TMCO6: variants seen among roughly 807,000 people sequenced by gnomAD.
TMCO6 encodes transmembrane and coiled-coil domain-containing protein 6.
A neutral mutation model predicts 61.8 loss-of-function variants in TMCO6; 47 were observed. The ratio of observed to expected loss-of-function variants is 0.76; its 90% CI spans 0.60 to 0.97. The LOEUF (loss-of-function observed/expected upper bound fraction) is 0.97. TMCO6 is among the 50% of genes least tolerant of loss of function. The probability of loss-of-function intolerance (pLI) is 0.00; values close to 1 mark genes in which losing one functional copy is unlikely to be tolerated. For missense variants in TMCO6, 557 were observed against 601.6 expected, an observed-to-expected ratio of 0.93 and a Z score of 0.78; for synonymous variants, 261 against 254.2, an observed-to-expected ratio of 1.03 and a Z score of -0.25.
Position 140,644,744 on chromosome 5 carries a change from TAG to T in TMCO6, c.1368+5_1368+6del, listed in dbSNP as rs1757290668. 6.2e-7 allele frequency: 1 copy of T among 1,614,110 alleles called. No individual in the cohort carries two copies. Among genetic ancestry groups the T allele is most frequent in the Admixed American group, 1.7e-5 (1 of 60,028 alleles). The stretch of plus-strand genomic sequence containing the variant: ...GCTGTTCCTGTATCAGCCAGAGGTA[TAG>T]GTTTCTGGCCCACATCCTCAGTCAC... On this transcript the variant is annotated splice_donor_5th_base_variant and intron_variant, in intron 11 of 11. Coordinates refer to ENST00000394671, the MANE Select transcript of TMCO6 (RefSeq NM_018502.5).
chr5:140,615,449 T>A, the TMCO6 span, among the ~76,000 whole-genome samples: 17 of 152,072 alleles, frequency 1.1e-4, 1 homozygote, highest in Admixed American at 1.1e-3. Flanking sequence ...CATTTCAAAA[T>A]TCATATGGAA....
the TMCO6 span, among the ~76,000 whole-genome samples, chr5:140,618,293 G>A: frequency 6.6e-6 from 1 of 152,102 alleles, no homozygotes; most frequent in Non-Finnish European, 1.5e-5. Context: ...GCCAGGCGTG[G>A]TGGTGCATGC....
At chr5:140,637,856 G>A (rs867611249), upstream of TMCO6, among the ~76,000 whole-genome samples, 5 of 151,042 alleles carry the variant, frequency 3.3e-5, no homozygotes, top group Admixed American at 1.3e-4. Context: ...GCCCCCCACC[G>A]CCCCACTTCG....
At chr5:140,631,530 C>T in the TMCO6 span, among the ~76,000 whole-genome samples, 6 of 152,186 alleles carry the variant, frequency 3.9e-5, no homozygotes, top group African/African-American at 7.2e-5. Flanking sequence ...ACTGCACACT[C>T]ATTGTTTCTC....
chr5:140,643,602 TG>T lies in TMCO6; in HGVS notation c.846del (p.Ser283LeufsTer33). ...SNPLLIGHGA[L>X]STLGLLLLDL... Reference sequence around the variant, plus strand: ...CCTCTGCTCATTGGCCATGGGGCTCTGTCTACTCTGGGGTTGCTGCTGTTGG... The same window carrying T: ...CCTCTGCTCATTGGCCATGGGGCTCTTCTACTCTGGGGTTGCTGCTGTTGG... On this transcript the variant is annotated frameshift_variant, in exon 8 of 12. Transcript: ENST00000394671. LOFTEE classifies it high-confidence loss of function. The T allele has an allele frequency of 6.2e-7, 1 of 1,614,218 alleles. No homozygotes were observed. The highest frequency in any genetic ancestry group is 1.3e-5 in the African/African-American group (1 of 75,076).
the TMCO6 span, among the ~76,000 whole-genome samples, chr5:140,601,915 A>G: frequency 6.6e-6 from 1 of 152,234 alleles, no homozygotes; most frequent in African/African-American, 2.4e-5. Context: ...ATTCATGAAT[A>G]TTTTTAAGCG....
chr5:140,611,786 TA>T, the TMCO6 span, among the ~76,000 whole-genome samples: 1 of 152,206 alleles, frequency 6.6e-6, no homozygotes, highest in African/African-American at 2.4e-5. Flanking sequence ...TTCTTAAACT[TA>T]ACCACAAGAT....
At chr5:140,611,675 G>A in the TMCO6 span, among the ~76,000 whole-genome samples, 1 of 152,134 alleles carries the variant, frequency 6.6e-6, no homozygotes, top group Non-Finnish European at 1.5e-5. Flanking sequence ...TATGTTGCTT[G>A]ATTTGGTTTG....
rs1376899530 is a variant in TMCO6 at position 140,645,219 on chromosome 5, C to T, written c.*121C>T. 12 of 1,037,356 alleles carry T rather than the reference C, an allele frequency of 1.2e-5. No individual in the cohort carries two copies. Among genetic ancestry groups the T allele is most frequent in the Middle Eastern group, 2.0e-4 (1 of 4,894 alleles). The allele number at this position is 1,037,356 out of a possible 1,614,324, so 64.3% of individuals were successfully genotyped here. On this transcript the variant is annotated 3_prime_UTR_variant, in exon 12 of 12. Transcript: ENST00000394671. ...ATGTTCTCTGCTCCCACACCTAAGCCAAGACCTTTGGGTCCCAGCTCCTCC... is the reference window on the plus strand; with the variant it reads ...ATGTTCTCTGCTCCCACACCTAAGCTAAGACCTTTGGGTCCCAGCTCCTCC...
the TMCO6 span, among the ~76,000 whole-genome samples, chr5:140,603,464 C>A: frequency 6.6e-6 from 1 of 152,030 alleles, no homozygotes; most frequent in Non-Finnish European, 1.5e-5. Flanking sequence ...CTCGTCACCA[C>A]ACTCAGCTAA....
downstream of TMCO6, chr5:140,647,030 G>A (rs541407002): frequency 3.9e-6 from 2 of 507,396 alleles, no homozygotes; most frequent in East Asian, 3.3e-5. Context: ...TCAGCTCCTG[G>A]TCCCTACGCA....
the TMCO6 span, chr5:140,632,632 G>A: frequency 6.2e-7 from 1 of 1,613,854 alleles, no homozygotes; most frequent in African/African-American, 1.3e-5. The surrounding 1 kb of genome is among the most constrained non-coding windows in gnomAD (Gnocchi z 6.2). Context: ...AGTTCCTTGA[G>A]GCGGGAGTAC....
chr5:140,611,203 G>T, the TMCO6 span, among the ~76,000 whole-genome samples: 1 of 152,172 alleles, frequency 6.6e-6, no homozygotes, highest in Non-Finnish European at 1.5e-5. Flanking sequence ...CATAGGCTCA[G>T]AATGTTTCTG....
At chr5:140,608,732 C>T in the TMCO6 span, among the ~76,000 whole-genome samples, 2 of 152,058 alleles carry the variant, frequency 1.3e-5, no homozygotes, top group Non-Finnish European at 2.9e-5. Context: ...TCCAGGTGTC[C>T]CTTTGCCATT....
At position 140,639,482 on chromosome 5, in the gene TMCO6, G is replaced by A. The variant is rs1756872389; in HGVS notation, c.-46G>A. 1.3e-6 allele frequency: 2 copies of A among 1,530,280 alleles called. No individual in the cohort carries two copies. The highest frequency in any genetic ancestry group is 1.4e-5 in the African/African-American group (1 of 72,650). 94.8% of individuals were successfully genotyped at this position (1,530,280 alleles called of 1,614,324 possible). ...GGTGCCATCTTCTACGCCCCTGGGA[G>A]CGTTGTGGCTGCTGTTTCCTTCGGC... On this transcript the variant is annotated 5_prime_UTR_variant, in exon 1 of 12. Transcript: ENST00000394671.
At chr5:140,621,760 A>G in the TMCO6 span, among the ~76,000 whole-genome samples, 1 of 152,182 alleles carries the variant, frequency 6.6e-6, no homozygotes. Flanking sequence ...GAGAAAGAGA[A>G]TGCACACCTG....
At position 140,643,365 on chromosome 5, in the gene TMCO6, T is replaced by G. The variant is rs937065571; in HGVS notation, c.807-199T>G. 4.8e-5 allele frequency: 30 copies of G among 620,566 alleles called. No homozygotes were observed. In the Admixed American group the frequency reaches 7.9e-4, roughly 16 times the overall value. The allele number at this position is 620,566 out of a possible 1,614,324, so 38.4% of individuals were successfully genotyped here. On this transcript the variant is annotated intron_variant, in intron 7 of 11. Coordinates refer to ENST00000394671, the MANE Select transcript of TMCO6 (RefSeq NM_018502.5). ...ATGCGTGCCACTATGCCCGGCTAAT[T>G]TTTGTATTTCTAATAGAGACGGAGT... is the stretch of plus-strand genomic sequence containing the variant.
the TMCO6 span, among the ~76,000 whole-genome samples, chr5:140,633,875 C>T: frequency 3.3e-5 from 5 of 151,140 alleles, no homozygotes; most frequent in East Asian, 3.9e-4. Flanking sequence ...CTGCAACCTC[C>T]GCCTCCTGGG....
At chr5:140,622,867 T>C in the TMCO6 span, among the ~76,000 whole-genome samples, 1 of 152,152 alleles carries the variant, frequency 6.6e-6, no homozygotes, top group East Asian at 1.9e-4. Context: ...ATGATTTTAC[T>C]TTCTTTTTAT....
Sources: allele counts gnomAD v4.1 joint callset (sites outside exome capture counted in the v4.1 genomes callset), GRCh38; gene constraint gnomAD v4.1.1; non-coding constraint Gnocchi (gnomAD v3.1); transcripts MANE v1.5; gene names NCBI Gene and HGNC (gene_info 2026-07-23, HGNC 2026-07-21).